GALNT17: variants seen among roughly 807,000 people sequenced by gnomAD.
GALNT17 encodes the protein UDP-GalNAc:polypeptide N-acetylgalactosaminyltransferase-like 3.
Under a neutral mutation model 63.7 loss-of-function variants are expected in GALNT17, and 29 were observed. That is an observed-to-expected ratio of 0.46 (90% CI 0.34 to 0.62). GALNT17 has a LOEUF of 0.62. Among genes scored for constraint, GALNT17 ranks in the 20% least tolerant of loss-of-function variants. The pLI, the probability that GALNT17 is intolerant of heterozygous loss-of-function variation, is 0.01. For synonymous variants in GALNT17, 305 were observed against 318.3 expected, an observed-to-expected ratio of 0.96 and a Z score of 0.45; for missense variants, 603 against 799.6, an observed-to-expected ratio of 0.75 and a Z score of 2.97.
chr7:71,500,797 G>A (rs1788168402), intron 5 of GALNT17, among the ~76,000 whole-genome samples: 1 of 152,044 alleles, frequency 6.6e-6, no homozygotes. Flanking sequence ...CGTTCACCAT[G>A]TGGCCATGGT....
chr7:71,483,638 C>T (rs1583992446), intron 5 of GALNT17, among the ~76,000 whole-genome samples: 1 of 151,708 alleles, frequency 6.6e-6, no homozygotes, highest in Non-Finnish European at 1.5e-5. Context: ...TCACTGCAAC[C>T]TCCACCTCCT....
intron 2 of GALNT17, among the ~76,000 whole-genome samples, chr7:71,344,505 C>T (rs1563019506): frequency 6.6e-6 from 1 of 152,034 alleles, no homozygotes; most frequent in African/African-American, 2.4e-5. Flanking sequence ...TTCACATTTT[C>T]AGTAGATGCC....
At chr7:71,545,158 CTG>C (rs1398848789) in intron 5 of GALNT17, among the ~76,000 whole-genome samples, 2 of 152,096 alleles carry the variant, frequency 1.3e-5, no homozygotes, top group Non-Finnish European at 2.9e-5. Context: ...CTCGTCCCCT[CTG>C]TTTTTCTCCT....
At chr7:71,412,302 A>G (rs1340648969) in intron 3 of GALNT17, among the ~76,000 whole-genome samples, 1 of 151,664 alleles carries the variant, frequency 6.6e-6, no homozygotes, top group Non-Finnish European at 1.5e-5. Context: ...CATGTGTTCC[A>G]CAACGTGTGG....
rs71816496 is a variant in GALNT17 at position 71,621,501 on chromosome 7, A to AGATGGATGGATGGATG, written c.1081-43890_1081-43875dup. On this transcript the variant is annotated intron_variant, in intron 6 of 10. Transcript: ENST00000333538. ...TGGATGAATGGATGGATTGATGGATAGATGGATGGATGGATGGATGGATGG... is the reference window on the plus strand; with the variant it reads ...TGGATGAATGGATGGATTGATGGATAGATGGATGGATGGATGGATGGATGGATGGATGGATGGATGG... 1.2e-3 allele frequency among the ~76,000 whole-genome samples: 51 copies of AGATGGATGGATGGATG among 42,552 alleles called. 1 individual carries two copies. The highest frequency in any genetic ancestry group is 2.7e-3 in the East Asian group (1 of 376). 27.9% of individuals were successfully genotyped at this position (42,552 alleles called of 152,430 possible).
Position 71,183,278 on chromosome 7 carries a change from A to G in GALNT17, c.238+50238A>G, listed in dbSNP as rs182573997. Among the ~76,000 whole-genome samples the G allele has an allele frequency of 4.7e-4, 72 of 152,170 alleles. 2 individuals are homozygous for G. The East Asian group carries it at 9.7e-3, about 20-fold the overall frequency. ...GGCAGCTGATGGCTTTGCTGTCTTC[A>G]TACATTTCTTCCCAGTGTAGCTCTT... On this transcript the variant is annotated intron_variant, in intron 1 of 10. Transcript: ENST00000333538.
intron 1 of GALNT17, among the ~76,000 whole-genome samples, chr7:71,308,010 AG>A (rs1013908246): frequency 6.6e-6 from 1 of 151,854 alleles, no homozygotes; most frequent in African/African-American, 2.4e-5. Context: ...AGCCTGATTC[AG>A]GGGTCTTGTG....
At chr7:71,422,325 T>G (rs1384877663) in intron 5 of GALNT17, among the ~76,000 whole-genome samples, 3 of 152,202 alleles carry the variant, frequency 2.0e-5, no homozygotes, top group Non-Finnish European at 4.4e-5. Flanking sequence ...TTCCCACTTA[T>G]AAAGGCTTTT....
chr7:71,570,298 C>G (rs1037313642), intron 5 of GALNT17, among the ~76,000 whole-genome samples: 5 of 152,132 alleles, frequency 3.3e-5, no homozygotes, highest in Non-Finnish European at 5.9e-5. Flanking sequence ...AGGTCATGCC[C>G]TTGCCATTTA....
chr7:71,329,034 T>C (rs555614612), intron 1 of GALNT17, among the ~76,000 whole-genome samples: 1 of 152,304 alleles, frequency 6.6e-6, no homozygotes, highest in East Asian at 1.9e-4. Context: ...TTTAATGACT[T>C]GGGATTGGAA....
At chr7:71,671,210 C>G (rs1173413344) in intron 8 of GALNT17, among the ~76,000 whole-genome samples, 2 of 152,124 alleles carry the variant, frequency 1.3e-5, no homozygotes, top group Non-Finnish European at 2.9e-5. Context: ...ACCTCATTCT[C>G]CCTTGTGATG....
At chr7:71,279,396 G>A (rs1790740557) in intron 1 of GALNT17, among the ~76,000 whole-genome samples, 1 of 151,956 alleles carries the variant, frequency 6.6e-6, no homozygotes, top group Non-Finnish European at 1.5e-5. Context: ...CTCCCACTGG[G>A]TCCCTCCCAT....
intron 5 of GALNT17, among the ~76,000 whole-genome samples, chr7:71,476,512 AAAG>A (rs1486177214): frequency 6.6e-6 from 1 of 152,094 alleles, no homozygotes; most frequent in Non-Finnish European, 1.5e-5. Flanking sequence ...AAAAAAAAAA[AAAG>A]AGTGAAGTGA....
At chr7:71,417,366 G>A (rs1434418560) in intron 4 of GALNT17, among the ~76,000 whole-genome samples, 1 of 152,110 alleles carries the variant, frequency 6.6e-6, no homozygotes, top group Non-Finnish European at 1.5e-5. Flanking sequence ...GGGGTCTATT[G>A]CCATCTCGGC....
rs191981288 is a variant in GALNT17 at position 71,154,615 on chromosome 7, C to T, written c.238+21575C>T. Among the ~76,000 whole-genome samples, 478 of 152,246 alleles carry T rather than the reference C, an allele frequency of 3.1e-3. 2 individuals carry two copies. The highest frequency in any genetic ancestry group is 0.011 in the African/African-American group (438 of 41,560). ...TTTTGGAGACGGAGTCTCACTCTGT[C>T]GCCCAGGCTGGAGTGCGGTGGCACG... On this transcript the variant is annotated intron_variant, in intron 1 of 10. Coordinates refer to ENST00000333538, the MANE Select transcript of GALNT17 (RefSeq NM_022479.3).
At chr7:71,687,303 T>G (rs181514439) in intron 9 of GALNT17, among the ~76,000 whole-genome samples, 3 of 152,218 alleles carry the variant, frequency 2.0e-5, no homozygotes, top group Non-Finnish European at 2.9e-5. Context: ...AAGCGATACA[T>G]CATCCAAACA....
intron 9 of GALNT17, among the ~76,000 whole-genome samples, chr7:71,689,448 G>A (rs1359724961): frequency 6.6e-6 from 1 of 152,190 alleles, no homozygotes; most frequent in Non-Finnish European, 1.5e-5. Context: ...TTAGTGGTAT[G>A]GTTAGAAGAC....
At chr7:71,613,005 C>T (rs181646360) in intron 6 of GALNT17, among the ~76,000 whole-genome samples, 2 of 152,186 alleles carry the variant, frequency 1.3e-5, no homozygotes, top group East Asian at 1.9e-4. Flanking sequence ...AACGGCCCCC[C>T]TCTCGCCTAT....
At chr7:71,282,904 G>A (rs1445112659) in intron 1 of GALNT17, among the ~76,000 whole-genome samples, 1 of 152,008 alleles carries the variant, frequency 6.6e-6, no homozygotes, top group African/African-American at 2.4e-5. Flanking sequence ...GCAATGTGGG[G>A]GTGAAGGCTC....
Sources: allele counts gnomAD v4.1 joint callset (sites outside exome capture counted in the v4.1 genomes callset), GRCh38; gene constraint gnomAD v4.1.1; transcripts MANE v1.5; gene names NCBI Gene and HGNC (gene_info 2026-07-23, HGNC 2026-07-21).